STOML3: variants seen among roughly 807,000 people sequenced by gnomAD.
The protein encoded by STOML3 is stomatin-like protein 3.
In STOML3, 31 loss-of-function variants were observed where a neutral mutation model predicts 29.5. That is an observed-to-expected ratio of 1.05 (90% CI 0.79 to 1.42). The LOEUF is 1.42. STOML3 is among the 40% of genes most tolerant of loss of function. The pLI is 0.00. For missense variants in STOML3, 380 were observed against 363.0 expected (o/e 1.05, Z -0.38); for synonymous variants, 122 against 139.8 (o/e 0.87, Z 0.90).
intron 1 of STOML3, among the ~76,000 whole-genome samples, chr13:38,982,369 A>G (rs1593506061): frequency 1.3e-5 from 2 of 152,260 alleles, no homozygotes; most frequent in African/African-American, 4.8e-5. Context: ...ACTAGCTTAT[A>G]TAAACTCTTT....
At chr13:38,983,897 C>T (rs1371001624) in intron 1 of STOML3, among the ~76,000 whole-genome samples, 1 of 152,132 alleles carries the variant, frequency 6.6e-6, no homozygotes, top group Non-Finnish European at 1.5e-5. Flanking sequence ...TGAAAGTGAA[C>T]ATTCAAAAAG....
Position 38,972,565 on chromosome 13 carries a change from C to T in STOML3, c.259G>A (p.Val87Met). 1 of 1,614,038 alleles carries T rather than the reference C, an allele frequency of 6.2e-7. No individual in the cohort carries two copies. The highest frequency in any genetic ancestry group is 1.1e-5 in the South Asian group (1 of 91,080). The change falls in exon 4 of 7, where the codon GTG becomes ATG. Residue 87 changes from valine to methionine, a missense_variant. Physicochemically the swap from Val to Met is conservative, Grantham distance 21. Coordinates refer to ENST00000379631, the MANE Select transcript of STOML3 (RefSeq NM_145286.3). ...GLILVLPCIDVFVKVDLRTVT... is the reference protein window; with the variant it reads ...GLILVLPCIDMFVKVDLRTVT... Reference sequence around the variant, plus strand: ...GTTCGGAGGTCAACTTTGACAAACACATCTATGCATGGCAGGACCAGGATC... The same window carrying T: ...GTTCGGAGGTCAACTTTGACAAACATATCTATGCATGGCAGGACCAGGATC...
At chr13:38,975,109 C>A (rs1440590039) in intron 3 of STOML3, among the ~76,000 whole-genome samples, 1 of 152,028 alleles carries the variant, frequency 6.6e-6, no homozygotes, top group Non-Finnish European at 1.5e-5. Flanking sequence ...ACGGGCGGAT[C>A]ACCTGAGGTC....
chr13:38,978,220 C>T (rs1028854004), intron 1 of STOML3, among the ~76,000 whole-genome samples: 1 of 152,056 alleles, frequency 6.6e-6, no homozygotes, highest in Non-Finnish European at 1.5e-5. Context: ...GTGGCGCAAT[C>T]TCGGCTCACT....
intron 1 of STOML3, among the ~76,000 whole-genome samples, chr13:38,978,097 C>A (rs1442801408): frequency 6.6e-6 from 1 of 151,556 alleles, no homozygotes; most frequent in African/African-American, 2.4e-5. Context: ...GTCTGGCTGA[C>A]CCTTTTAATT....
Position 38,976,557 on chromosome 13 carries a change from T to C in STOML3, c.212A>G (p.Asp71Gly), listed in dbSNP as rs1249419552. 1 of 1,614,212 alleles carries C rather than the reference T, an allele frequency of 6.2e-7. No individual in the cohort carries two copies. ...VVFRLGRIQA[D>G]KAKGPGLILV... is the part of the protein sequence containing the mutation. ...ATTCATACCTGGCCCCTTGGCTTTG[T>C]CAGCTTGGATGCGTCCCAGACGGAA... The change falls in exon 3 of 7, where the codon GAC (aspartate) becomes GGC (glycine). Residue 71 changes from aspartate (D) to glycine (G), a missense_variant. Transcript: ENST00000379631.
At chr13:38,971,038 C>A (rs1593498266) in intron 4 of STOML3, among the ~76,000 whole-genome samples, 1 of 148,030 alleles carries the variant, frequency 6.8e-6, no homozygotes, top group East Asian at 2.0e-4. Flanking sequence ...TGAATTCTTT[C>A]TTTTTTTTTT....
chr13:38,984,064 C>A (rs1223626619), intron 1 of STOML3, among the ~76,000 whole-genome samples: 1 of 152,100 alleles, frequency 6.6e-6, no homozygotes, highest in East Asian at 1.9e-4. Context: ...ATCACCATCA[C>A]CCCAACACAG....
At chr13:38,988,926 T>C (rs1868870488) in intron 1 of STOML3, among the ~76,000 whole-genome samples, 1 of 144,488 alleles carries the variant, frequency 6.9e-6, no homozygotes, top group South Asian at 2.1e-4. Context: ...ATATATATAC[T>C]ATATTATACA....
intron 1 of STOML3, chr13:38,980,132 CG>C: frequency 6.4e-7 from 1 of 1,551,342 alleles, no homozygotes; most frequent in Non-Finnish European, 8.7e-7. Context: ...AGGTAATAGA[CG>C]TGCTGAGAGA....
intron 1 of STOML3, among the ~76,000 whole-genome samples, chr13:38,986,521 C>A (rs1385634396): frequency 6.6e-6 from 1 of 152,074 alleles, no homozygotes; most frequent in Non-Finnish European, 1.5e-5. Context: ...ATCTCCCTTT[C>A]TATGTTCACT....
intron 1 of STOML3, 24 bp from the exon 2 acceptor site, chr13:38,976,821 T>C: frequency 1.9e-6 from 3 of 1,589,890 alleles, no homozygotes; most frequent in East Asian, 2.3e-5. Context: ...AGGAAGCAAA[T>C]ATGTGATCAA....
intron 1 of STOML3, among the ~76,000 whole-genome samples, chr13:38,985,902 C>CTTTTT (rs1371193997): frequency 2.8e-5 from 1 of 35,436 alleles, no homozygotes; most frequent in Non-Finnish European, 5.7e-5. Flanking sequence ...TTTTTTTTTT[C>CTTTTT]TTTTCTTTCT....
At chr13:38,983,909 T>A (rs1281274201) in intron 1 of STOML3, among the ~76,000 whole-genome samples, 75 of 152,216 alleles carry the variant, frequency 4.9e-4, no homozygotes, top group Non-Finnish European at 1.6e-4. Context: ...TTCAAAAAGG[T>A]GTAAAAATAA....
intron 3 of STOML3, among the ~76,000 whole-genome samples, chr13:38,975,823 A>C (rs769867618): frequency 1.2e-4 from 19 of 152,176 alleles, no homozygotes; most frequent in Non-Finnish European, 2.4e-4. Flanking sequence ...AAAAACAAAC[A>C]AAGAAATAAA....
At chr13:38,980,482 C>G (rs777069089) in intron 1 of STOML3, among the ~76,000 whole-genome samples, 6 of 152,166 alleles carry the variant, frequency 3.9e-5, no homozygotes, top group Non-Finnish European at 8.8e-5. Flanking sequence ...TTATTAAATA[C>G]AGAGTTCTTC....
At chr13:38,967,133 C>G (rs2138002850) in intron 6 of STOML3, 84 bp from the exon 7 acceptor site, 1 of 1,244,978 alleles carries the variant, frequency 8.0e-7, no homozygotes, top group East Asian at 2.6e-5. Flanking sequence ...GTATTGATAC[C>G]CCTCTCCCCA....
intron 3 of STOML3, among the ~76,000 whole-genome samples, chr13:38,973,024 C>T (rs1431233367): frequency 2.1e-5 from 3 of 140,582 alleles, no homozygotes; most frequent in East Asian, 2.2e-4. Flanking sequence ...TCTGGGAGGC[C>T]GAGGCAGGCA....
At chr13:38,987,784 T>A (rs1285629644) in intron 1 of STOML3, among the ~76,000 whole-genome samples, 2 of 113,012 alleles carry the variant, frequency 1.8e-5, no homozygotes, top group South Asian at 4.8e-4. Flanking sequence ...CTATTGTGTA[T>A]ATATTATATA....
Sources: allele counts gnomAD v4.1 joint callset (sites outside exome capture counted in the v4.1 genomes callset), GRCh38; gene constraint gnomAD v4.1.1; transcripts MANE v1.5; gene names NCBI Gene and HGNC (gene_info 2026-07-23, HGNC 2026-07-21).